FAM83A: variants seen among roughly 807,000 people sequenced by gnomAD.
The protein encoded by FAM83A is scaffolding CK1 anchoring protein A, also known as protein FAM83A.
Under a neutral mutation model 24.4 loss-of-function variants are expected in FAM83A, and 21 were observed. The observed-to-expected ratio is 0.86, with a 90% CI of 0.61 to 1.24. FAM83A has a LOEUF of 1.24. Ranked by LOEUF, FAM83A falls within the 50% of genes most tolerant of loss-of-function variation. FAM83A has a pLI of 0.00. For synonymous variants in FAM83A, 270 were observed against 252.4 expected (o/e 1.07, Z -0.66); for missense variants, 617 against 579.8 (o/e 1.06, Z -0.66).
At chr8:123,181,635 T>C, upstream of FAM83A, 1 of 176,300 alleles carries the variant, frequency 5.7e-6, no homozygotes, top group Non-Finnish European at 1.2e-5. Flanking sequence ...CGCAGCTTTC[T>C]CACCCTTTGG....
Position 123,207,585 on chromosome 8 carries a change from TG to T in FAM83A, c.1207del (p.Ala403ProfsTer18), listed in dbSNP as rs1824605675. 2 of 1,574,774 alleles carry T rather than the reference TG, an allele frequency of 1.3e-6. No individual in the cohort carries two copies. ...CCGCCCGCCGCTGTCTACAGCAACC[TG>T]GGGGCCTACAGGCCCACGCGGCTGC... On this transcript the variant is annotated frameshift_variant, in exon 4 of 4. Coordinates refer to ENST00000690554, the Ensembl canonical transcript of FAM83A. LOFTEE classifies it high-confidence loss of function.
At position 123,194,115 on chromosome 8, in the gene FAM83A, C is replaced by G. The variant is rs949656741; in HGVS notation, c.740C>G (p.Ser247Trp). 2.5e-6 allele frequency: 4 copies of G among 1,614,126 alleles called. No individual in the cohort carries two copies. The South Asian group carries it at 4.4e-5, about 18-fold the overall frequency. The stretch of plus-strand genomic sequence containing the variant: ...CAAATCCGGGAGAAGTTCATCATCT[C>G]GGACTGGAGATTTGTCCTGTCTGGA... The change falls in exon 3 of 4, where the codon TCG becomes TGG. Residue 247 changes from serine (S) to tryptophan (W), a missense_variant. Physicochemically the swap from Ser to Trp is radical, Grantham distance 177 (BLOSUM62 -3). Coordinates refer to ENST00000690554, the Ensembl canonical transcript of FAM83A.
At chr8:123,183,258 C>T (rs11542995) in exon 1 of FAM83A, 4 of 1,613,160 alleles carry the variant, frequency 2.5e-6, no homozygotes, top group Middle Eastern at 1.6e-4. Flanking sequence ...AAAAATCCAG[C>T]GCCACTGTGT....
upstream of FAM83A, chr8:123,179,095 A>G (rs897008905): frequency 3.9e-5 from 6 of 152,166 alleles, no homozygotes; most frequent in Non-Finnish European, 7.3e-5. Context: ...CAGTTTTCTC[A>G]TCAGTAACTG....
chr8:123,187,114 A>G (rs1314644804), intron 1 of FAM83A, among the ~76,000 whole-genome samples: 2 of 152,132 alleles, frequency 1.3e-5, no homozygotes, highest in Non-Finnish European at 2.9e-5. Context: ...AGGGAAAGGA[A>G]TTCCAGGCCT....
At chr8:123,179,660 A>G (rs1324881265), upstream of FAM83A, 2 of 152,210 alleles carry the variant, frequency 1.3e-5, no homozygotes, top group East Asian at 1.9e-4. Flanking sequence ...ACAGGATTCA[A>G]CTAGAATCTC....
chr8:123,200,011 C>G (rs1824295460), intron 3 of FAM83A: 1 of 154,034 alleles, frequency 6.5e-6, no homozygotes, highest in African/African-American at 2.4e-5. Context: ...GAGTTCATCT[C>G]TCCCTGTCTT....
At chr8:123,182,949 C>A in exon 1 of FAM83A, 1 of 1,604,558 alleles carries the variant, frequency 6.2e-7, no homozygotes. Flanking sequence ...ACTTTAGTGA[C>A]AACGAGAGTG....
intron 2 of FAM83A, among the ~76,000 whole-genome samples, chr8:123,193,539 A>G (rs1824047530): frequency 6.6e-6 from 1 of 152,258 alleles, no homozygotes; most frequent in Non-Finnish European, 1.5e-5. Context: ...CCAGAATCCC[A>G]CCAACCAGAG....
At chr8:123,207,763 C>T (rs1005574932) in exon 4 of FAM83A, 4 of 1,410,618 alleles carry the variant, frequency 2.8e-6, no homozygotes, top group Non-Finnish European at 3.7e-6. Context: ...ACCTCAACGA[C>T]GAGTGGCGTT....
exon 1 of FAM83A, chr8:123,183,132 T>C: frequency 1.2e-6 from 2 of 1,613,776 alleles, no homozygotes; most frequent in East Asian, 2.2e-5. Flanking sequence ...AAGCAGGCCC[T>C]AAGGGACTGG....
At chr8:123,192,766 T>G (rs1413762547) in intron 2 of FAM83A, 1 of 152,292 alleles carries the variant, frequency 6.6e-6, no homozygotes, top group East Asian at 1.9e-4. Flanking sequence ...TGCTGCCTCC[T>G]GCTGCCACAG....
intron 1 of FAM83A, among the ~76,000 whole-genome samples, chr8:123,190,222 A>C (rs1165436053): frequency 1.3e-5 from 2 of 152,020 alleles, no homozygotes; most frequent in Non-Finnish European, 2.9e-5. Flanking sequence ...AGAAAGAAGA[A>C]AGAAAGAAAG....
At chr8:123,182,401 G>A (rs1489561754), upstream of FAM83A, 3 of 364,470 alleles carry the variant, frequency 8.2e-6, no homozygotes, top group East Asian at 1.5e-4. Flanking sequence ...CCCAGGAGGG[G>A]AGCAGAGGCA....
At chr8:123,200,433 C>T (rs778535692) in intron 3 of FAM83A, among the ~76,000 whole-genome samples, 1 of 152,214 alleles carries the variant, frequency 6.6e-6, no homozygotes, top group East Asian at 1.9e-4. Flanking sequence ...GTCCATCACG[C>T]AGCTGGGGGG....
At chr8:123,184,638 G>A (rs527394432) in intron 1 of FAM83A, among the ~76,000 whole-genome samples, 1 of 152,240 alleles carries the variant, frequency 6.6e-6, no homozygotes, top group Admixed American at 6.5e-5. Context: ...CAAGTGAAGG[G>A]ACTTGAGCTC....
intron 3 of FAM83A, among the ~76,000 whole-genome samples, chr8:123,206,408 C>T (rs545954901): frequency 5.3e-5 from 8 of 152,292 alleles, no homozygotes; most frequent in Admixed American, 5.2e-4. Context: ...CTTTCAGGAA[C>T]GCTTTAGATT....
exon 4 of FAM83A, chr8:123,207,499 C>T (rs780847529): frequency 6.3e-6 from 10 of 1,581,082 alleles, no homozygotes; most frequent in Middle Eastern, 1.7e-4. Context: ...TCCAGCCCCA[C>T]CAAGGCCCTT....
At chr8:123,196,270 C>A (rs144349375) in intron 3 of FAM83A, among the ~76,000 whole-genome samples, 10 of 152,340 alleles carry the variant, frequency 6.6e-5, no homozygotes, top group Non-Finnish European at 8.8e-5. Context: ...CCTCAGCCCC[C>A]CAAAGTGCAG....
Sources: allele counts gnomAD v4.1 joint callset (sites outside exome capture counted in the v4.1 genomes callset), GRCh38; gene constraint gnomAD v4.1.1; transcripts MANE v1.5; gene names NCBI Gene and HGNC (gene_info 2026-07-23, HGNC 2026-07-21).